Variants in ZNF292 observed in about 807,000 individuals in gnomAD.
ZNF292 encodes the protein zinc finger protein 292, also known as 16 zinc-finger domain protein.
A neutral mutation model predicts 217.9 loss-of-function variants in ZNF292; 26 were observed. That is an observed-to-expected ratio of 0.12 (90% CI 0.09 to 0.17). The LOEUF (loss-of-function observed/expected upper bound fraction) is 0.17. Ranked by LOEUF, ZNF292 falls within the 10% of genes least tolerant of loss-of-function variation. The pLI is 1.00. For synonymous variants in ZNF292, 1,257 were observed against 1,124.1 expected (o/e 1.12, Z -2.37); for missense variants, 2,904 against 3,175.2 (o/e 0.91, Z 2.05).
At chr6:87,172,199 T>C (rs1771122334) in intron 1 of ZNF292, among the ~76,000 whole-genome samples, 1 of 152,214 alleles carries the variant, frequency 6.6e-6, no homozygotes, top group Non-Finnish European at 1.5e-5. Context: ...AGTGAACAGC[T>C]GTTTTTCTCT....
chr6:87,225,340 A>G (rs1000950025), intron 4 of ZNF292, among the ~76,000 whole-genome samples: 2 of 151,958 alleles, frequency 1.3e-5, no homozygotes, highest in Non-Finnish European at 2.9e-5. Context: ...CCTTTCTCTT[A>G]AGAGCAACTT....
At chr6:87,189,615 T>G (rs1771770100) in intron 1 of ZNF292, among the ~76,000 whole-genome samples, 1 of 152,098 alleles carries the variant, frequency 6.6e-6, no homozygotes, top group South Asian at 2.1e-4. Flanking sequence ...TTTTTCTCAT[T>G]ATTAGACTGG....
At chr6:87,249,293 AT>A (rs889885127) in intron 7 of ZNF292, 15 of 306,438 alleles carry the variant, frequency 4.9e-5, no homozygotes, top group South Asian at 1.3e-4. Flanking sequence ...CACTTGGCTA[AT>A]TTTTTTATTT....
At chr6:87,251,690 C>G (rs1207850334) in intron 7 of ZNF292, among the ~76,000 whole-genome samples, 1 of 152,050 alleles carries the variant, frequency 6.6e-6, no homozygotes, top group African/African-American at 2.4e-5. Flanking sequence ...TTTAATTCAA[C>G]TTTTAAAACT....
intron 3 of ZNF292, among the ~76,000 whole-genome samples, chr6:87,217,732 C>T (rs1490616330): frequency 2.0e-5 from 3 of 152,044 alleles, no homozygotes; most frequent in Non-Finnish European, 4.4e-5. Flanking sequence ...AGTAAAGCAC[C>T]TGAACTTTGT....
chr6:87,207,522 A>AATGTG (rs1279804902), intron 1 of ZNF292, among the ~76,000 whole-genome samples: 2 of 152,186 alleles, frequency 1.3e-5, no homozygotes, highest in Non-Finnish European at 2.9e-5. Flanking sequence ...AATGTGGAAA[A>AATGTG]ATGTGAAAAA....
At position 87,162,967 on chromosome 6, in the gene ZNF292, A is replaced by G. The variant is rs149896281; in HGVS notation, c.168+7208A>G. Among the ~76,000 whole-genome samples the G allele has an allele frequency of 2.2e-4, 33 of 152,324 alleles. No homozygotes were observed. The East Asian group carries it at 5.0e-3, about 23-fold the overall frequency. On this transcript the variant is annotated intron_variant, in intron 1 of 7. Coordinates refer to ENST00000369577, the MANE Select transcript of ZNF292 (RefSeq NM_015021.3). Reference sequence around the variant, plus strand: ...TTAATATGTTTGTCAGCATACATACACTGTGACTTTTAACAATGTATTATT... The same window carrying G: ...TTAATATGTTTGTCAGCATACATACGCTGTGACTTTTAACAATGTATTATT...
chr6:87,198,512 G>T (rs1263297761), intron 1 of ZNF292, among the ~76,000 whole-genome samples: 1 of 152,098 alleles, frequency 6.6e-6, no homozygotes, highest in Non-Finnish European at 1.5e-5. Flanking sequence ...CCCATTGCAT[G>T]TTTATGTGTT....
rs1470977496 is a variant in ZNF292, at chr6:87,258,453, T to C, written c.4824T>C (p.Val1608=). ...NFTSNSSRVS[V]ISGPQNTRSS... ...CCAGTAACAGTTCTCGTGTTTCTGT[T>C]ATAAGTGGTCCTCAGAACACAAGAT... Residue 1608 remains valine, a synonymous_variant, in exon 8 of 8, where the codon GTT becomes GTC. Transcript: ENST00000369577. 5 of 1,613,702 alleles carry C rather than the reference T, an allele frequency of 3.1e-6. No homozygotes were observed. Among genetic ancestry groups the C allele is most frequent in the South Asian group, 2.2e-5 (2 of 91,064 alleles).
chr6:87,238,799 T>G (rs1246485544), intron 5 of ZNF292, among the ~76,000 whole-genome samples: 1 of 151,680 alleles, frequency 6.6e-6, no homozygotes, highest in African/African-American at 2.4e-5. Flanking sequence ...AACAAAGGTC[T>G]CTGGTTTTCC....
chr6:87,256,685 A>G lies in ZNF292; in HGVS notation c.3056A>G (p.Gln1019Arg). 1 of 1,613,370 alleles carries G rather than the reference A, an allele frequency of 6.2e-7. No individual in the cohort carries two copies. The highest frequency in any genetic ancestry group is 8.5e-7 in the Non-Finnish European group (1 of 1,179,814). ...ETLKIGDLTP[Q>R]NLERQVNNLM... ...CTCAAAATAGGTGACCTTACCCCAC[A>G]AAACTTAGAAAGACAAGTGAACAAC... The change falls in exon 8 of 8, where the codon CAA becomes CGA. Residue 1019 changes from glutamine to arginine, a missense_variant. Coordinates refer to ENST00000369577, the MANE Select transcript of ZNF292 (RefSeq NM_015021.3).
intron 4 of ZNF292, among the ~76,000 whole-genome samples, chr6:87,227,298 CCTCATACCAATTAAATTAGA>C (rs956063722): frequency 2.0e-5 from 3 of 152,116 alleles, no homozygotes; most frequent in African/African-American, 7.2e-5. Flanking sequence ...CAGGGCCCTA[CCTCATACCAATTAAATTAGA>C]CTCTCTGGGC....
At chr6:87,157,763 A>ACAC (rs1770595323) in intron 1 of ZNF292, among the ~76,000 whole-genome samples, 1 of 152,178 alleles carries the variant, frequency 6.6e-6, no homozygotes, top group Non-Finnish European at 1.5e-5. Flanking sequence ...ATCTCAGCTC[A>ACAC]CTGCAGCCTC....
intron 5 of ZNF292, among the ~76,000 whole-genome samples, chr6:87,234,334 G>A (rs1266067601): frequency 6.6e-6 from 1 of 152,074 alleles, no homozygotes; most frequent in African/African-American, 2.4e-5. Flanking sequence ...CGAGGCGGGC[G>A]GATCACGAGG....
chr6:87,160,655 G>GTA lies in ZNF292; in HGVS notation c.168+4903_168+4904dup, dbSNP rs569969043. The stretch of plus-strand genomic sequence containing the variant: ...ATACATGTATACGGTGTGTGTGTGT[G>GTA]TATATATACATATATATGATGTGTG... On this transcript the variant is annotated intron_variant, in intron 1 of 7. Coordinates refer to ENST00000369577, the MANE Select transcript of ZNF292 (RefSeq NM_015021.3). Among the ~76,000 whole-genome samples, 17 of 144,524 alleles carry GTA rather than the reference G, an allele frequency of 1.2e-4. No individual in the cohort carries two copies. The East Asian group carries it at 2.6e-3, about 22-fold the overall frequency. The allele number at this position is 144,524 out of a possible 152,430, so 94.8% of individuals were successfully genotyped here.
rs778609587 is a variant in ZNF292 at position 87,259,300 on chromosome 6, A to T, written c.5671A>T (p.Asn1891Tyr). The change falls in exon 8 of 8, where the codon AAC (asparagine) becomes TAC (tyrosine). Residue 1891 changes from asparagine to tyrosine, a missense_variant. Coordinates refer to ENST00000369577, the MANE Select transcript of ZNF292 (RefSeq NM_015021.3). ...TVIQPVSEMI[N>Y]IQFNDKVNKP... ...TATTCAGCCAGTTTCTGAAATGATA[A>T]ACATTCAATTTAATGACAAAGTTAA... 1.2e-6 allele frequency: 2 copies of T among 1,613,564 alleles called. No individual in the cohort carries two copies. Among genetic ancestry groups the T allele is most frequent in the Non-Finnish European group, 1.7e-6 (2 of 1,179,640 alleles).
intron 7 of ZNF292, among the ~76,000 whole-genome samples, chr6:87,251,077 C>G (rs954332488): frequency 1.3e-5 from 2 of 151,950 alleles, no homozygotes; most frequent in African/African-American, 4.8e-5. Context: ...AGAGAGTGTT[C>G]CTAGTCACAG....
At chr6:87,197,722 C>T (rs1398354865) in intron 1 of ZNF292, among the ~76,000 whole-genome samples, 105 of 77,306 alleles carry the variant, frequency 1.4e-3, no homozygotes, top group East Asian at 3.8e-3. Context: ...CTCGCTGTTT[C>T]AAAAAAAAAA....
At chr6:87,160,487 A>ATGTGTGTG (rs141208047) in intron 1 of ZNF292, among the ~76,000 whole-genome samples, 1,003 of 77,868 alleles carry the variant, frequency 0.013, 17 homozygotes, top group African/African-American at 0.033. Context: ...GTGTTTGTAT[A>ATGTGTGTG]TATATGTGTG....
Sources: gnomAD v4.1 joint callset for allele counts (sites outside exome capture counted in the v4.1 genomes callset) on GRCh38, gnomAD v4.1.1 for gene constraint, MANE v1.5 for transcripts, NCBI Gene and HGNC (gene_info 2026-07-23, HGNC 2026-07-21) for gene names.